ST8SIA6: variants seen among roughly 807,000 people sequenced by gnomAD.
The protein encoded by ST8SIA6 is alpha-2,8-sialyltransferase 8F.
A neutral mutation model predicts 33.6 loss-of-function variants in ST8SIA6; 39 were observed. The ratio of observed to expected loss-of-function variants is 1.16; its 90% confidence interval spans 0.90 to 1.52. ST8SIA6 has a LOEUF of 1.52. ST8SIA6 is among the 40% of genes most tolerant of loss of function. The probability of loss-of-function intolerance (pLI) is 0.00; values close to 1 mark genes in which losing one functional copy is unlikely to be tolerated. For synonymous variants in ST8SIA6, 172 were observed against 167.2 expected (o/e 1.03, Z -0.22); for missense variants, 441 against 443.8 (o/e 0.99, Z 0.06).
chr10:17,439,271 C>CTTTTT (rs146928120), intron 2 of ST8SIA6, among the ~76,000 whole-genome samples: 3 of 124,218 alleles, frequency 2.4e-5, no homozygotes, highest in Non-Finnish European at 5.0e-5. Context: ...TCTTCCCTCT[C>CTTTTT]TTTTTTTTTT....
intron 4 of ST8SIA6, among the ~76,000 whole-genome samples, chr10:17,347,977 T>TAAAAAA (rs1554788578): frequency 3.2e-5 from 4 of 124,458 alleles, no homozygotes; most frequent in South Asian, 2.8e-4. Flanking sequence ...AAAAAAAAAT[T>TAAAAAA]AAAGCTGATT....
chr10:17,432,398 G>A (rs974740182), intron 2 of ST8SIA6, among the ~76,000 whole-genome samples: 5 of 152,188 alleles, frequency 3.3e-5, no homozygotes, highest in Non-Finnish European at 5.9e-5. Flanking sequence ...GGGCAGACAG[G>A]AGGAGAAGGT....
intron 3 of ST8SIA6, among the ~76,000 whole-genome samples, chr10:17,366,032 T>C (rs1398442905): frequency 6.6e-6 from 1 of 152,176 alleles, no homozygotes; most frequent in Non-Finnish European, 1.5e-5. Context: ...TACAAGACTT[T>C]CAGTCAATAC....
chr10:17,383,379 G>A (rs993474141), intron 3 of ST8SIA6, among the ~76,000 whole-genome samples: 7 of 152,064 alleles, frequency 4.6e-5, no homozygotes, highest in African/African-American at 1.7e-4. Context: ...AATATAAAGT[G>A]GTATTTAGTT....
intron 6 of ST8SIA6, 57 bp from the exon 7 acceptor site, chr10:17,323,214 T>A: frequency 8.3e-7 from 1 of 1,197,728 alleles, no homozygotes; most frequent in Non-Finnish European, 1.2e-6. Flanking sequence ...AAAGATTGTA[T>A]ACACACATAT....
At chr10:17,391,655 G>A (rs1041877298) in intron 2 of ST8SIA6, among the ~76,000 whole-genome samples, 1 of 152,118 alleles carries the variant, frequency 6.6e-6, no homozygotes, top group Non-Finnish European at 1.5e-5. Flanking sequence ...TCTGGCCTTT[G>A]ATTATTCTGA....
intron 4 of ST8SIA6, among the ~76,000 whole-genome samples, chr10:17,358,417 A>G (rs1326198643): frequency 6.6e-6 from 1 of 152,242 alleles, no homozygotes; most frequent in Non-Finnish European, 1.5e-5. Flanking sequence ...GGGGAAAGCA[A>G]AATCTCTTTA....
intron 3 of ST8SIA6, among the ~76,000 whole-genome samples, chr10:17,374,746 AT>A (rs1245741601): frequency 7.3e-5 from 5 of 68,714 alleles, no homozygotes; most frequent in African/African-American, 2.6e-4. Flanking sequence ...AAATAAATAA[AT>A]AATAAATATA....
At chr10:17,348,682 G>A (rs747308929) in intron 4 of ST8SIA6, among the ~76,000 whole-genome samples, 1 of 152,146 alleles carries the variant, frequency 6.6e-6, no homozygotes, top group Non-Finnish European at 1.5e-5. Flanking sequence ...CCCACGGTTC[G>A]CTGTGGAATT....
intron 2 of ST8SIA6, among the ~76,000 whole-genome samples, chr10:17,451,271 A>G (rs9971327): frequency 0.33 from 49,944 of 152,092 alleles, 9,970 homozygotes; most frequent in African/African-American, 0.57. Flanking sequence ...AATGTCTTTT[A>G]CAGCAACAGG....
At chr10:17,324,409 C>A (rs7901304) in intron 6 of ST8SIA6, among the ~76,000 whole-genome samples, 54,465 of 151,796 alleles carry the variant, frequency 0.36, 10,579 homozygotes, top group African/African-American at 0.5. Flanking sequence ...AATACATATT[C>A]AATGATAAAG....
At chr10:17,406,893 C>G (rs1851285731) in intron 2 of ST8SIA6, among the ~76,000 whole-genome samples, 1 of 149,148 alleles carries the variant, frequency 6.7e-6, no homozygotes, top group East Asian at 2.0e-4. Context: ...CTCCCGTGTT[C>G]AAGTGATTCT....
At chr10:17,345,717 G>A (rs7067707) in intron 4 of ST8SIA6, among the ~76,000 whole-genome samples, 70,582 of 151,900 alleles carry the variant, frequency 0.46, 17,275 homozygotes, top group African/African-American at 0.62. Flanking sequence ...TTCTATGGGA[G>A]AGGGCAAAGC....
intron 4 of ST8SIA6, among the ~76,000 whole-genome samples, chr10:17,358,654 AGG>A: frequency 6.9e-6 from 1 of 145,710 alleles, no homozygotes; most frequent in Non-Finnish European, 1.5e-5. Context: ...AAAAAGAATA[AGG>A]AGGAGGAGGA....
chr10:17,354,823 C>A (rs368930227), intron 4 of ST8SIA6, among the ~76,000 whole-genome samples: 1 of 152,286 alleles, frequency 6.6e-6, no homozygotes. Flanking sequence ...ATGAAAGCCA[C>A]AGATTCTTTT....
intron 2 of ST8SIA6, among the ~76,000 whole-genome samples, chr10:17,433,032 G>C (rs957413649): frequency 6.6e-6 from 1 of 152,082 alleles, no homozygotes; most frequent in Non-Finnish European, 1.5e-5. Flanking sequence ...TGAATCTGCC[G>C]TGATTCTGGG....
intron 4 of ST8SIA6, among the ~76,000 whole-genome samples, chr10:17,336,019 G>A (rs937487877): frequency 6.6e-6 from 1 of 151,694 alleles, no homozygotes; most frequent in Non-Finnish European, 1.5e-5. Flanking sequence ...GCAGTGGTGG[G>A]ATCTTGGCTC....
chr10:17,379,093 T>C (rs1485388330), intron 3 of ST8SIA6, among the ~76,000 whole-genome samples: 1 of 147,810 alleles, frequency 6.8e-6, no homozygotes, highest in Non-Finnish European at 1.5e-5. Context: ...ACCACTGCAC[T>C]CCAGCCTGGG....
At chr10:17,330,618 A>C (rs1000317323) in intron 5 of ST8SIA6, among the ~76,000 whole-genome samples, 2 of 152,226 alleles carry the variant, frequency 1.3e-5, no homozygotes, top group Admixed American at 6.5e-5. Context: ...ATAAAAGAAA[A>C]CTGTAAGAAT....
Sources: gnomAD v4.1 joint callset for allele counts (sites outside exome capture counted in the v4.1 genomes callset) on GRCh38, gnomAD v4.1.1 for gene constraint, MANE v1.5 for transcripts, NCBI Gene and HGNC (gene_info 2026-07-23, HGNC 2026-07-21) for gene names.